The following ANAPC1 variants were observed in gnomAD, a reference collection of about 807,000 sequenced individuals.
The protein encoded by ANAPC1 is anaphase-promoting complex subunit 1.
In ANAPC1, 36 loss-of-function variants were observed where a neutral mutation model predicts 208.0. The observed-to-expected ratio is 0.17, with a 90% CI of 0.13 to 0.23. The LOEUF is 0.23. ANAPC1 is among the 10% of genes least tolerant of loss of function. The probability of loss-of-function intolerance (pLI) is 1.00; values close to 1 mark genes in which losing one functional copy is unlikely to be tolerated. For synonymous variants in ANAPC1, 378 were observed against 695.2 expected, an observed-to-expected ratio of 0.54 and a Z score of 7.18; for missense variants, 942 against 2,011.6, an observed-to-expected ratio of 0.47 and a Z score of 10.17.
At chr2:111,807,520 T>C (rs561749464) in intron 29 of ANAPC1, among the ~76,000 whole-genome samples, 126 of 151,800 alleles carry the variant, frequency 8.3e-4, no homozygotes, top group African/African-American at 3.0e-3. Context: ...TGAAACCCTG[T>C]CTCTACTAAA....
chr2:111,827,556 A>C (rs1253887066), intron 21 of ANAPC1, among the ~76,000 whole-genome samples: 2 of 152,166 alleles, frequency 1.3e-5, no homozygotes, highest in Admixed American at 1.3e-4. Flanking sequence ...GGAGTTCAAG[A>C]CCAGCCTGGG....
rs200947067 is a variant in ANAPC1 at position 111,820,439 on chromosome 2, T to C, written c.3206+800A>G. ...AATCCTATGCTCTAAACTCAACTTC[T>C]GTCACTCCATCTTTTTATTCACAGG... On this transcript the variant is annotated intron_variant, in intron 26 of 47. Coordinates refer to ENST00000341068, the MANE Select transcript of ANAPC1 (RefSeq NM_022662.4). Among the ~76,000 whole-genome samples the C allele has an allele frequency of 2.9e-4, 43 of 148,694 alleles. No individual in the cohort carries two copies. The East Asian group carries it at 6.2e-3, about 21-fold the overall frequency.
chr2:111,882,801 G>C (rs1025762042), intron 1 of ANAPC1, among the ~76,000 whole-genome samples: 1 of 151,736 alleles, frequency 6.6e-6, no homozygotes, highest in African/African-American at 2.4e-5. Context: ...CACAAGTTTT[G>C]TTCTTCCTCC....
At chr2:111,820,753 G>A (rs1359210175) in intron 26 of ANAPC1, among the ~76,000 whole-genome samples, 1 of 147,970 alleles carries the variant, frequency 6.8e-6, no homozygotes, top group Non-Finnish European at 1.5e-5. Context: ...TCCTGTGCAG[G>A]GGAGTGGCAG....
intron 10 of ANAPC1, among the ~76,000 whole-genome samples, chr2:111,861,041 T>A (rs3863965): frequency 6.6e-5 from 10 of 152,192 alleles, no homozygotes; most frequent in African/African-American, 2.4e-4. Flanking sequence ...TCATCAAACA[T>A]ACCAGAGGCC....
At position 111,825,158 on chromosome 2, in the gene ANAPC1, T is replaced by A. The variant is rs774590349; in HGVS notation, c.2714A>T (p.Lys905Met). The stretch of plus-strand genomic sequence containing the variant: ...GTTTTCCTCTTGTTCTACTTGCAAC[T>A]TCTGGGGGGCTAAAAGGCAACAAAA... Reference protein sequence around the residue: ...YLTRITIAPQKLQVEQEENRF... With the variant: ...YLTRITIAPQMLQVEQEENRF... The change falls in exon 23 of 48, where the codon AAG becomes ATG. Residue 905 changes from lysine (K) to methionine (M), a missense_variant. By Grantham distance (95) the Lys-to-Met change is moderately conservative. Transcript: ENST00000341068. 6.2e-7 allele frequency: 1 copy of A among 1,612,922 alleles called. No homozygotes were observed. The highest frequency in any genetic ancestry group is 1.1e-5 in the South Asian group (1 of 90,944).
chr2:111,784,155 C>G (rs1262342743), intron 41 of ANAPC1, among the ~76,000 whole-genome samples, 168 bp downstream of exon 41: 2 of 152,016 alleles, frequency 1.3e-5, no homozygotes, highest in Non-Finnish European at 2.9e-5. Flanking sequence ...CAATAAAGAT[C>G]TCTAAGAAAA....
Position 111,768,703 on chromosome 2 carries a change from G to A in ANAPC1, c.*588C>T, listed in dbSNP as rs1478565193. ...CCTAATACAGTCACACAGGGATTAG[G>A]GCCTCAATATATAATTCTGGGAGGA... On this transcript the variant is annotated 3_prime_UTR_variant, in exon 48 of 48. Transcript: ENST00000341068. 4 of 148,020 alleles carry A rather than the reference G, an allele frequency of 2.7e-5. No individual in the cohort carries two copies. The highest frequency in any genetic ancestry group is 6.0e-5 in the Non-Finnish European group (4 of 67,134). 9.2% of individuals were successfully genotyped at this position (148,020 alleles called of 1,614,324 possible).
chr2:111,785,657 A>T (rs1243104869), intron 39 of ANAPC1, among the ~76,000 whole-genome samples, 180 bp from the exon 40 acceptor site: 3 of 151,986 alleles, frequency 2.0e-5, no homozygotes, highest in African/African-American at 7.2e-5. Flanking sequence ...TCTTTTAAAA[A>T]TTTTATATAA....
At chr2:111,828,526 A>G (rs1372830840) in intron 21 of ANAPC1, among the ~76,000 whole-genome samples, 1 of 152,240 alleles carries the variant, frequency 6.6e-6, no homozygotes, top group African/African-American at 2.4e-5. Context: ...CAACAGTCAA[A>G]AGGTGGAAAC....
chr2:111,826,941 G>A (rs1473942305), intron 21 of ANAPC1, among the ~76,000 whole-genome samples: 1 of 152,142 alleles, frequency 6.6e-6, no homozygotes, highest in African/African-American at 2.4e-5. Flanking sequence ...TTATGCCACC[G>A]CACCTGGCCC....
chr2:111,854,088 G>A (rs1047072853), intron 13 of ANAPC1, among the ~76,000 whole-genome samples: 3 of 152,158 alleles, frequency 2.0e-5, no homozygotes, highest in African/African-American at 7.2e-5. Flanking sequence ...GTTAAGTAAT[G>A]TATTTCATAG....
At chr2:111,870,305 T>C (rs1255959904) in intron 6 of ANAPC1, among the ~76,000 whole-genome samples, 3 of 152,222 alleles carry the variant, frequency 2.0e-5, no homozygotes, top group African/African-American at 4.8e-5. Flanking sequence ...CTGTTTTCCA[T>C]AGATGTCATA....
At position 111,845,932 on chromosome 2, in the gene ANAPC1, G is replaced by A. The variant is rs371939375; in HGVS notation, c.1852+1206C>T. Among the ~76,000 whole-genome samples, 7 of 133,470 alleles carry A rather than the reference G, an allele frequency of 5.2e-5. No individual in the cohort carries two copies. In the South Asian group the frequency reaches 9.2e-4, roughly 18 times the overall value. The allele number at this position is 133,470 out of a possible 152,430, so 87.6% of individuals were successfully genotyped here. On this transcript the variant is annotated intron_variant, in intron 16 of 47. Coordinates refer to ENST00000341068, the MANE Select transcript of ANAPC1 (RefSeq NM_022662.4). ...GGAGCTTGCAGTGAGCCGAGTTTGC[G>A]CCACTGCACTCCAGAACCTGGGCGA...
At chr2:111,883,597 C>G (rs1410209837) in intron 1 of ANAPC1, among the ~76,000 whole-genome samples, 1 of 152,080 alleles carries the variant, frequency 6.6e-6, no homozygotes, top group African/African-American at 2.4e-5. Context: ...CAAGAGCTTC[C>G]CCAGCCTTTC....
At chr2:111,876,765 T>C (rs1476324083) in intron 3 of ANAPC1, among the ~76,000 whole-genome samples, 2 of 152,160 alleles carry the variant, frequency 1.3e-5, no homozygotes, top group Non-Finnish European at 2.9e-5. Context: ...TAGTTAACGG[T>C]AGGCGGGAGG....
intron 27 of ANAPC1, among the ~76,000 whole-genome samples, chr2:111,817,778 C>T (rs2685950): frequency 1.1e-5 from 1 of 93,942 alleles, no homozygotes; most frequent in African/African-American, 3.4e-5. Context: ...ACTATACACT[C>T]CTACAACATA....
intron 2 of ANAPC1, among the ~76,000 whole-genome samples, chr2:111,879,815 T>A (rs1200719884): frequency 6.6e-6 from 1 of 151,696 alleles, no homozygotes; most frequent in Non-Finnish European, 1.5e-5. Flanking sequence ...GAGGTTGCGG[T>A]GAGCTGAGAT....
intron 45 of ANAPC1, among the ~76,000 whole-genome samples, 183 bp from the exon 46 acceptor site, chr2:111,777,240 C>T (rs965231197): frequency 3.3e-5 from 5 of 152,112 alleles, no homozygotes; most frequent in African/African-American, 1.2e-4. Flanking sequence ...GTGCATGGCT[C>T]ACCTCCTTCA....
Sources: gnomAD v4.1 joint callset for allele counts (sites outside exome capture counted in the v4.1 genomes callset) on GRCh38, gnomAD v4.1.1 for gene constraint, MANE v1.5 for transcripts, NCBI Gene and HGNC (gene_info 2026-07-23, HGNC 2026-07-21) for gene names.